The following GLDC variants were observed in gnomAD, a reference collection of about 807,000 sequenced individuals.
GLDC encodes the protein glycine dehydrogenase (decarboxylating), mitochondrial.
Under a neutral mutation model 121.3 loss-of-function variants are expected in GLDC, and 104 were observed. The ratio of observed to expected loss-of-function variants is 0.86; its 90% CI spans 0.73 to 1.01. The LOEUF is 1.01. Among genes scored for constraint, GLDC ranks in the 50% least tolerant of loss-of-function variants. GLDC has a pLI of 0.00. For missense variants in GLDC, 1,429 were observed against 1,306.6 expected, an observed-to-expected ratio of 1.09 and a Z score of -1.44; for synonymous variants, 546 against 480.6, an observed-to-expected ratio of 1.14 and a Z score of -1.78.
intron 8 of GLDC, among the ~76,000 whole-genome samples, chr9:6,600,434 T>C (rs1402725567): frequency 1.3e-5 from 2 of 151,764 alleles, no homozygotes; most frequent in African/African-American, 2.4e-5. Context: ...CCCAAAATTT[T>C]GGGAGGCCCA....
intron 15 of GLDC, among the ~76,000 whole-genome samples, chr9:6,572,377 G>A (rs1409356304): frequency 6.6e-6 from 1 of 152,184 alleles, no homozygotes; most frequent in Non-Finnish European, 1.5e-5. Context: ...ACATTAGGAT[G>A]TTGAAAATCA....
chr9:6,629,733 T>A (rs1819321898), intron 2 of GLDC, among the ~76,000 whole-genome samples: 1 of 151,716 alleles, frequency 6.6e-6, no homozygotes, highest in Non-Finnish European at 1.5e-5. Flanking sequence ...GCTTTTTGCT[T>A]CTTTGACAAT....
chr9:6,640,043 G>A (rs1054970162), intron 2 of GLDC, among the ~76,000 whole-genome samples: 5 of 152,162 alleles, frequency 3.3e-5, no homozygotes, highest in African/African-American at 7.2e-5. Context: ...CCGACTTCTA[G>A]TAAATCCTCA....
rs2129714505 is a variant in GLDC, at chr9:6,553,357, C to G, written c.2457+11G>C. On this transcript the variant is annotated intron_variant, in intron 20 of 24. Transcript: ENST00000321612. Reference sequence around the variant, plus strand: ...CCCACCTGCACACCTGCACATACTCCCAGGCCTCACCTTGATATAAGCCCA... The same window carrying G: ...CCCACCTGCACACCTGCACATACTCGCAGGCCTCACCTTGATATAAGCCCA... 6.2e-7 allele frequency: 1 copy of G among 1,613,780 alleles called. No homozygotes were observed. Among genetic ancestry groups the G allele is most frequent in the Non-Finnish European group, 8.5e-7 (1 of 1,179,820 alleles).
chr9:6,625,202 C>T (rs1236382274), intron 2 of GLDC, among the ~76,000 whole-genome samples: 1 of 152,082 alleles, frequency 6.6e-6, no homozygotes, highest in East Asian at 1.9e-4. Flanking sequence ...CCCCAACAAT[C>T]CCTCAGTGAC....
intron 22 of GLDC, among the ~76,000 whole-genome samples, chr9:6,536,520 A>G (rs1404480424): frequency 1.3e-5 from 2 of 152,222 alleles, no homozygotes; most frequent in Non-Finnish European, 2.9e-5. Flanking sequence ...CTGGCTAAAC[A>G]TTCAAAAATA....
intron 15 of GLDC, among the ~76,000 whole-genome samples, chr9:6,579,520 T>A (rs1345598635): frequency 7.8e-6 from 1 of 128,818 alleles, no homozygotes; most frequent in Non-Finnish European, 1.7e-5. Context: ...ATTATTTATT[T>A]GATAATTTTA....
At chr9:6,608,958 A>G (rs7022864) in intron 4 of GLDC, among the ~76,000 whole-genome samples, 2,960 of 152,206 alleles carry the variant, frequency 0.019, 80 homozygotes, top group African/African-American at 0.068. Flanking sequence ...AGAAAGGCCT[A>G]TGGCTGGAAT....
chr9:6,639,247 A>C (rs1171811653), intron 2 of GLDC: 16 of 921,304 alleles, frequency 1.7e-5, no homozygotes, highest in South Asian at 2.6e-5. Flanking sequence ...CACAGCCACA[A>C]AAAAAAAGAA....
At chr9:6,570,559 T>C (rs977551289) in intron 15 of GLDC, among the ~76,000 whole-genome samples, 6 of 152,276 alleles carry the variant, frequency 3.9e-5, no homozygotes, top group Non-Finnish European at 7.4e-5. Flanking sequence ...TTGAACTTCT[T>C]AAGAAGTTTC....
At chr9:6,534,602 G>T (rs1587908556) in intron 24 of GLDC, 106 bp downstream of exon 24, 3 of 712,100 alleles carry the variant, frequency 4.2e-6, no homozygotes, top group Non-Finnish European at 5.2e-6. Flanking sequence ...TTCACAAGGT[G>T]CCCCACATAT....
chr9:6,627,211 G>C (rs1020193270), intron 2 of GLDC, among the ~76,000 whole-genome samples: 2 of 150,618 alleles, frequency 1.3e-5, no homozygotes, highest in African/African-American at 4.9e-5. Context: ...CAGGAGAATG[G>C]CGTGAACCCA....
intron 2 of GLDC, among the ~76,000 whole-genome samples, chr9:6,635,570 C>G (rs1484997116): frequency 2.0e-5 from 3 of 152,082 alleles, no homozygotes; most frequent in Non-Finnish European, 4.4e-5. Context: ...GACCCTGTCT[C>G]TAAATAATAA....
chr9:6,547,813 T>C (rs1030840251), intron 21 of GLDC, among the ~76,000 whole-genome samples: 3 of 152,106 alleles, frequency 2.0e-5, no homozygotes, highest in Non-Finnish European at 1.5e-5. Flanking sequence ...GCTCATAATA[T>C]ACATTTAAAA....
intron 2 of GLDC, among the ~76,000 whole-genome samples, chr9:6,634,320 G>A (rs534347609): frequency 1.8e-4 from 27 of 151,998 alleles, no homozygotes; most frequent in African/African-American, 5.5e-4. Context: ...GCTTGAGCTC[G>A]GAGTTCAAGA....
At chr9:6,638,237 A>C (rs1297813521) in intron 2 of GLDC, among the ~76,000 whole-genome samples, 1 of 150,694 alleles carries the variant, frequency 6.6e-6, no homozygotes, top group East Asian at 1.9e-4. Context: ...TTTGAGACAG[A>C]GTCTCACTGT....
intron 2 of GLDC, among the ~76,000 whole-genome samples, chr9:6,631,806 C>T (rs1182645213): frequency 6.6e-6 from 1 of 152,158 alleles, no homozygotes; most frequent in East Asian, 1.9e-4. Context: ...GTGGCTCATG[C>T]CTGTAATCCC....
At position 6,588,659 on chromosome 9, in the gene GLDC, C is replaced by T; in HGVS notation, c.1624G>A (p.Glu542Lys). ...TGAACAAGGGAAATGTCTTTATTTT[C>T]CAGTTTCTTCATGTACCGGACAATG... ...TNIVRYMKKLENKDISLVHSM... is the reference protein window; with the variant it reads ...TNIVRYMKKLKNKDISLVHSM... Residue 542 changes from glutamate to lysine, a missense_variant, in exon 13 of 25, where the codon GAA becomes AAA. By Grantham distance (56) the Glu-to-Lys change is moderately conservative. Coordinates refer to ENST00000321612, the MANE Select transcript of GLDC (RefSeq NM_000170.3). 6.2e-7 allele frequency: 1 copy of T among 1,613,382 alleles called. No homozygotes were observed. The highest frequency in any genetic ancestry group is 8.5e-7 in the Non-Finnish European group (1 of 1,179,432).
rs1031871119 is a variant in GLDC, at chr9:6,550,203, T to C, written c.2569+600A>G. Among the ~76,000 whole-genome samples the C allele has an allele frequency of 3.0e-4, 45 of 152,368 alleles. 1 individual carries two copies. Among genetic ancestry groups the C allele is most frequent in the Admixed American group, 2.9e-3 (44 of 15,304 alleles). On this transcript the variant is annotated intron_variant, in intron 21 of 24. Coordinates refer to ENST00000321612, the MANE Select transcript of GLDC (RefSeq NM_000170.3). ...TCTTTCAAGGCATATCATAGCACTT[T>C]GTAAATAATTAGCTTATGGTATTTA...
Sources: gnomAD v4.1 joint callset for allele counts (sites outside exome capture counted in the v4.1 genomes callset) on GRCh38, gnomAD v4.1.1 for gene constraint, MANE v1.5 for transcripts, NCBI Gene and HGNC (gene_info 2026-07-23, HGNC 2026-07-21) for gene names.